STPG2: variants seen among roughly 807,000 people sequenced by gnomAD.
STPG2 encodes the protein sperm tail PG-rich repeat containing 2.
STPG2 carries 56 observed loss-of-function variants against 54.2 expected under a neutral mutation model. The observed-to-expected ratio is 1.03, with a 90% CI of 0.83 to 1.29. STPG2 has a LOEUF of 1.29. Among genes scored for constraint, STPG2 ranks in the 50% most tolerant of loss-of-function variants. STPG2 has a pLI of 0.00. For synonymous variants in STPG2, 200 were observed against 181.8 expected (o/e 1.10, Z -0.81); for missense variants, 596 against 544.9 (o/e 1.09, Z -0.93).
intron 5 of STPG2, 117 bp from the exon 6 acceptor site, chr4:97,981,435 A>G: frequency 3.8e-6 from 4 of 1,042,794 alleles, no homozygotes; most frequent in Non-Finnish European, 5.4e-6. Flanking sequence ...TTCTTAATGG[A>G]GTGAAGAAAA....
chr4:97,444,406 T>C (rs183159685), intron 4 of STPG2, among the ~76,000 whole-genome samples: 1 of 152,240 alleles, frequency 6.6e-6, no homozygotes, highest in East Asian at 1.9e-4. Flanking sequence ...AGCAGTCAGA[T>C]AAATAAAAGA....
intron 5 of STPG2, among the ~76,000 whole-genome samples, chr4:97,985,526 G>T (rs1029485757): frequency 6.6e-6 from 1 of 152,194 alleles, no homozygotes; most frequent in Non-Finnish European, 1.5e-5. Flanking sequence ...TCTCAGAAAT[G>T]TATCTGTCTT....
chr4:98,011,838 C>T (rs1416644625), intron 5 of STPG2, among the ~76,000 whole-genome samples: 1 of 152,008 alleles, frequency 6.6e-6, no homozygotes, highest in Non-Finnish European at 1.5e-5. Context: ...GTTTAAGTTC[C>T]TTGTAGATTC....
At chr4:97,575,931 A>G (rs1030498428) in intron 10 of STPG2, among the ~76,000 whole-genome samples, 3 of 152,126 alleles carry the variant, frequency 2.0e-5, no homozygotes, top group Non-Finnish European at 4.4e-5. Flanking sequence ...AGCACACAAA[A>G]TCAATATATA....
intron 10 of STPG2, among the ~76,000 whole-genome samples, chr4:97,623,322 A>T (rs1490414252): frequency 6.6e-6 from 1 of 152,142 alleles, no homozygotes; most frequent in East Asian, 1.9e-4. Flanking sequence ...ACAACATGAA[A>T]AAAACAACCT....
At chr4:98,110,024 T>C (rs1455720976) in intron 3 of STPG2, among the ~76,000 whole-genome samples, 1 of 152,212 alleles carries the variant, frequency 6.6e-6, no homozygotes, top group Non-Finnish European at 1.5e-5. Context: ...CCTCTTGACC[T>C]AAAACATTCT....
chr4:97,899,548 A>G (rs1297454810), intron 8 of STPG2, among the ~76,000 whole-genome samples: 1 of 152,038 alleles, frequency 6.6e-6, no homozygotes, highest in Non-Finnish European at 1.5e-5. Context: ...AGCTGGAGGC[A>G]TTACACTACC....
At chr4:98,026,011 T>C in intron 5 of STPG2, 1 of 1,047,520 alleles carries the variant, frequency 9.5e-7, no homozygotes, top group Admixed American at 1.8e-5. Context: ...ATGTTGCAGA[T>C]TACATGTAAG....
chr4:97,783,808 T>C (rs112682015), intron 9 of STPG2, among the ~76,000 whole-genome samples: 3,074 of 151,904 alleles, frequency 0.02, 96 homozygotes, highest in African/African-American at 0.071. Flanking sequence ...TCATTCTCAG[T>C]AAACTATCAC....
At position 97,719,652 on chromosome 4, in the gene STPG2, T is replaced by C. The variant is rs1274165859; in HGVS notation, c.1205-6838A>G. Among the ~76,000 whole-genome samples the C allele has an allele frequency of 2.6e-5, 4 of 151,916 alleles. No individual in the cohort carries two copies. In the East Asian group the frequency reaches 7.7e-4, roughly 29 times the overall value. On this transcript the variant is annotated intron_variant, in intron 9 of 10. Transcript: ENST00000295268. ...GATGAGACTATAATTTTCTCTGAAA[T>C]ATATCTGAATCTTATGTGCCTGCCT... is the stretch of plus-strand genomic sequence containing the variant.
chr4:97,941,962 C>CA (rs779511411), intron 8 of STPG2, among the ~76,000 whole-genome samples: 2 of 151,600 alleles, frequency 1.3e-5, no homozygotes, highest in Non-Finnish European at 2.9e-5. Context: ...GAAAAGAGAA[C>CA]ACTAAAAAGA....
chr4:97,468,341 A>G (rs1031118435), intron 4 of STPG2, among the ~76,000 whole-genome samples: 1 of 152,020 alleles, frequency 6.6e-6, no homozygotes, highest in Non-Finnish European at 1.5e-5. Context: ...TTTTTAATTA[A>G]TCAAAAATAA....
chr4:97,759,489 A>G (rs1394550895), intron 9 of STPG2, among the ~76,000 whole-genome samples: 1 of 152,170 alleles, frequency 6.6e-6, no homozygotes, highest in Non-Finnish European at 1.5e-5. Context: ...GATATTAAGA[A>G]TTGAACAGAA....
intron 10 of STPG2, among the ~76,000 whole-genome samples, chr4:97,698,833 G>A (rs971129593): frequency 2.6e-5 from 4 of 152,166 alleles, no homozygotes; most frequent in Non-Finnish European, 4.4e-5. Flanking sequence ...GGATGATGGG[G>A]AACATGGTAA....
intron 4 of STPG2, among the ~76,000 whole-genome samples, chr4:97,477,507 C>T (rs1467600074): frequency 7.1e-6 from 1 of 140,722 alleles, no homozygotes; most frequent in Non-Finnish European, 1.5e-5. Flanking sequence ...GACTGACTCT[C>T]GCTCTGTTGC....
chr4:97,798,243 CT>C (rs1727267622), intron 9 of STPG2, among the ~76,000 whole-genome samples: 2 of 152,112 alleles, frequency 1.3e-5, no homozygotes, highest in Admixed American at 1.3e-4. Flanking sequence ...TGTGTTTGCT[CT>C]TGCTTCTCTA....
chr4:97,634,505 G>A (rs1162269001), intron 10 of STPG2, among the ~76,000 whole-genome samples: 2 of 152,190 alleles, frequency 1.3e-5, no homozygotes, highest in African/African-American at 4.8e-5. Flanking sequence ...ACTTTGACGA[G>A]CTGAGAGAAG....
Position 97,943,916 on chromosome 4 carries a change from G to C in STPG2, c.1025C>G (p.Thr342Ser), listed in dbSNP as rs749999268. ...TCTTACCATATCTGGTACTTTCATA[G>C]TTCTTTTGGCTCTTGACAAGAAAGC... is the stretch of plus-strand genomic sequence containing the variant. ...YAAFLSRAKR[T>S]MKVPDMVIPA... Residue 342 changes from threonine (T) to serine (S), a missense_variant, in exon 8 of 11, where the codon ACT becomes AGT. By Grantham distance (58) the Thr-to-Ser change is moderately conservative. Transcript: ENST00000295268. 6.3e-7 allele frequency: 1 copy of C among 1,583,788 alleles called. No homozygotes were observed. Among genetic ancestry groups the C allele is most frequent in the South Asian group, 1.2e-5 (1 of 85,694 alleles).
chr4:97,765,702 C>T (rs1344957575), intron 9 of STPG2, among the ~76,000 whole-genome samples: 1 of 152,062 alleles, frequency 6.6e-6, no homozygotes, highest in East Asian at 1.9e-4. Context: ...TACAGCAATG[C>T]TTAGAGAAAA....
Sources: gnomAD v4.1 joint callset for allele counts (sites outside exome capture counted in the v4.1 genomes callset) on GRCh38, gnomAD v4.1.1 for gene constraint, MANE v1.5 for transcripts, NCBI Gene and HGNC (gene_info 2026-07-23, HGNC 2026-07-21) for gene names.